The following FAM107B variants were observed in gnomAD, a reference collection of about 807,000 sequenced individuals.
The protein encoded by FAM107B is family with sequence similarity 107 member B.
In FAM107B, 21 loss-of-function variants were observed where a neutral mutation model predicts 31.5. The ratio of observed to expected loss-of-function variants is 0.67; its 90% CI spans 0.47 to 0.96. The LOEUF (loss-of-function observed/expected upper bound fraction) is 0.96, where lower values mean the gene tolerates loss of function less well. Ranked by LOEUF, FAM107B falls within the 40% of genes least tolerant of loss-of-function variation. The pLI is 0.00. For missense variants in FAM107B, 452 were observed against 377.1 expected, an observed-to-expected ratio of 1.20 and a Z score of -1.64; for synonymous variants, 157 against 141.5, an observed-to-expected ratio of 1.11 and a Z score of -0.78.
chr10:14,736,036 A>C (rs138439897), intron 1 of FAM107B, among the ~76,000 whole-genome samples: 1 of 152,282 alleles, frequency 6.6e-6, no homozygotes, highest in African/African-American at 2.4e-5. Context: ...TGCCTGGGAA[A>C]AGGGAAAAGG....
intron 2 of FAM107B, among the ~76,000 whole-genome samples, chr10:14,587,555 G>C (rs1851885019): frequency 6.6e-6 from 1 of 152,096 alleles, no homozygotes; most frequent in Non-Finnish European, 1.5e-5. Context: ...GTATGAATAA[G>C]AATTTGTCTT....
intron 2 of FAM107B, among the ~76,000 whole-genome samples, chr10:14,635,982 C>A (rs575229734): frequency 6.6e-5 from 10 of 152,214 alleles, no homozygotes; most frequent in Admixed American, 2.0e-4. Flanking sequence ...TCCTGTGGAG[C>A]CAGGTGCACA....
chr10:14,543,170 C>G (rs751053170), intron 2 of FAM107B, among the ~76,000 whole-genome samples: 1 of 152,094 alleles, frequency 6.6e-6, no homozygotes, highest in Non-Finnish European at 1.5e-5. Context: ...CAGCAAAGCA[C>G]GTTCTGTGGT....
intron 2 of FAM107B, among the ~76,000 whole-genome samples, chr10:14,586,958 ACTCT>A (rs1851864065): frequency 1.3e-5 from 2 of 152,142 alleles, no homozygotes; most frequent in African/African-American, 4.8e-5. Context: ...CCTGGGACAA[ACTCT>A]CTCTCATTGA....
Position 14,520,117 on chromosome 10 carries a change from T to C in FAM107B, c.*1073A>G, listed in dbSNP as rs1845494893. On this transcript the variant is annotated 3_prime_UTR_variant, in exon 5 of 5. Transcript: ENST00000181796. ...ACAAGGAAAAACAAAGATAAAGAAA[T>C]ACATGAGCATTAATCAGAAATTTTC... is the stretch of plus-strand genomic sequence containing the variant. The C allele has an allele frequency of 6.6e-6, 1 of 152,556 alleles. No homozygotes were observed. Among genetic ancestry groups the C allele is most frequent in the Non-Finnish European group, 1.5e-5 (1 of 68,024 alleles). 9.5% of individuals were successfully genotyped at this position (152,556 alleles called of 1,614,324 possible). A position where few individuals can be genotyped will look rare whatever the true frequency, so the allele number is the denominator to read the frequency against.
At chr10:14,713,416 T>G (rs1455580738) in intron 1 of FAM107B, among the ~76,000 whole-genome samples, 2 of 152,152 alleles carry the variant, frequency 1.3e-5, no homozygotes, top group Middle Eastern at 3.2e-3. Flanking sequence ...CATCAAGACA[T>G]GGAGCAATCT....
intron 3 of FAM107B, among the ~76,000 whole-genome samples, chr10:14,525,253 T>C (rs992405724): frequency 2.6e-5 from 4 of 152,174 alleles, no homozygotes; most frequent in Admixed American, 6.5e-5. Context: ...AATTCTGACA[T>C]ATACAGCTAA....
At chr10:14,737,044 A>C (rs943443759) in intron 1 of FAM107B, among the ~76,000 whole-genome samples, 4 of 152,148 alleles carry the variant, frequency 2.6e-5, no homozygotes, top group Non-Finnish European at 5.9e-5. Context: ...AGAGACAGAC[A>C]AGGAAAAGGG....
chr10:14,636,703 G>C (rs952727344), intron 2 of FAM107B, among the ~76,000 whole-genome samples: 2 of 151,976 alleles, frequency 1.3e-5, no homozygotes, highest in South Asian at 2.1e-4. Context: ...TTTAGGGGGG[G>C]TGGGGGAGTG....
intron 1 of FAM107B, among the ~76,000 whole-genome samples, chr10:14,761,034 A>AAAAAAAAAAAAAAAAC (rs1554757192): frequency 6.8e-6 from 1 of 146,634 alleles, no homozygotes; most frequent in African/African-American, 2.5e-5. Context: ...AAAAAAAAAA[A>AAAAAAAAAAAAAAAAC]AAGAAAGACA....
intron 2 of FAM107B, among the ~76,000 whole-genome samples, chr10:14,561,366 A>C (rs1850225193): frequency 6.6e-6 from 1 of 152,222 alleles, no homozygotes; most frequent in South Asian, 2.1e-4. Context: ...AGGGTGCACT[A>C]TTGTGGATAT....
intron 2 of FAM107B, chr10:14,548,605 A>C: frequency 1.0e-6 from 1 of 985,468 alleles, no homozygotes; most frequent in Non-Finnish European, 1.2e-6. Flanking sequence ...GGGAAGGCAG[A>C]GACAGCCCCT....
chr10:14,613,390 G>A (rs1852773632), intron 2 of FAM107B, among the ~76,000 whole-genome samples: 1 of 152,134 alleles, frequency 6.6e-6, no homozygotes, highest in South Asian at 2.1e-4. Context: ...AGCTTGATTT[G>A]GAGAGATTCA....
rs1313754746 is a variant in FAM107B at position 14,744,843 on chromosome 10, C to T, written c.411+29410G>A. On this transcript the variant is annotated intron_variant, in intron 1 of 4. Transcript: ENST00000181796. The stretch of plus-strand genomic sequence containing the variant: ...AATTGTTTCAGGAGAAATGGTACAG[C>T]TCCTCTTTGTACCTCTGGTAGAATT... 4.6e-5 allele frequency among the ~76,000 whole-genome samples: 7 copies of T among 152,080 alleles called. No homozygotes were observed. The South Asian group carries it at 8.3e-4, about 18-fold the overall frequency.
intron 2 of FAM107B, among the ~76,000 whole-genome samples, chr10:14,620,815 A>T (rs1852992053): frequency 6.6e-6 from 1 of 152,244 alleles, no homozygotes; most frequent in African/African-American, 2.4e-5. Flanking sequence ...GTCTTCTGAC[A>T]CATGAACATA....
At chr10:14,526,332 C>T (rs551513884) in intron 3 of FAM107B, among the ~76,000 whole-genome samples, 3 of 152,226 alleles carry the variant, frequency 2.0e-5, no homozygotes, top group Admixed American at 6.5e-5. Context: ...TGCCACCACG[C>T]CCAGCTAATT....
At chr10:14,571,930 A>T (rs769462334) in intron 2 of FAM107B, 925 of 985,356 alleles carry the variant, frequency 9.4e-4, no homozygotes, top group Non-Finnish European at 1.1e-3. Context: ...TCACCTCAGT[A>T]GATATAGGCA....
intron 2 of FAM107B, among the ~76,000 whole-genome samples, chr10:14,549,173 T>C (rs898939648): frequency 2.0e-5 from 3 of 152,184 alleles, no homozygotes; most frequent in African/African-American, 4.8e-5. Flanking sequence ...CCAACATCTA[T>C]TGTTTAAGCC....
In FAM107B at chr10:14,688,836, A is replaced by C. The variant is rs1007921371; in HGVS notation, c.412-21145T>G. ...TGCTGCTAACACAATCCAGATGTTCAAATCCATCCATGCCCTTTGACCTCT... is the reference window on the plus strand; with the variant it reads ...TGCTGCTAACACAATCCAGATGTTCCAATCCATCCATGCCCTTTGACCTCT... On this transcript the variant is annotated intron_variant, in intron 1 of 4. Coordinates refer to ENST00000181796, the MANE Select transcript of FAM107B (RefSeq NM_031453.4). 1.2e-4 allele frequency among the ~76,000 whole-genome samples: 18 copies of C among 152,314 alleles called. 1 individual carries two copies. Among genetic ancestry groups the C allele is most frequent in the Admixed American group, 1.0e-3 (16 of 15,290 alleles).
Sources: allele counts gnomAD v4.1 joint callset (sites outside exome capture counted in the v4.1 genomes callset), GRCh38; gene constraint gnomAD v4.1.1; transcripts MANE v1.5; gene names NCBI Gene and HGNC (gene_info 2026-07-23, HGNC 2026-07-21).